Variants in CCDC73 observed in about 807,000 individuals in gnomAD.
The protein encoded by CCDC73 is coiled-coil domain-containing protein 73.
In CCDC73, 95 loss-of-function variants were observed where a neutral mutation model predicts 116.5. That is an observed-to-expected ratio of 0.82 (90% CI 0.69 to 0.97). The LOEUF (loss-of-function observed/expected upper bound fraction) is 0.97. Ranked by LOEUF, CCDC73 falls within the 50% of genes least tolerant of loss-of-function variation. CCDC73 has a pLI of 0.00. For synonymous variants in CCDC73, 398 were observed against 401.3 expected (o/e 0.99, Z 0.10); for missense variants, 1,066 against 1,206.8 (o/e 0.88, Z 1.73).
rs548720183 is a variant in CCDC73 at position 32,685,817 on chromosome 11, G to A, written c.391-2243C>T. Among the ~76,000 whole-genome samples, 6 of 147,674 alleles carry A rather than the reference G, an allele frequency of 4.1e-5. No homozygotes were observed. In the South Asian group the frequency reaches 1.3e-3, roughly 32 times the overall value. On this transcript the variant is annotated intron_variant, in intron 6 of 17. Transcript: ENST00000335185. ...GCTCACTGCAACCTCTGCCTCCCAG[G>A]TTCAAGCAATTCTCCTGCCTCAGCC...
intron 2 of CCDC73, among the ~76,000 whole-genome samples, chr11:32,743,212 G>C (rs1332567728): frequency 6.6e-6 from 1 of 152,186 alleles, no homozygotes; most frequent in East Asian, 1.9e-4. Flanking sequence ...GTAGCTTGAT[G>C]GGGACAGCAT....
rs890187207 is a variant in CCDC73 at position 32,763,157 on chromosome 11, C to T, written c.-15-2899G>A. ...AAGGAGGCCTGCCTGCCTCTGTAGA[C>T]TCCACCTCTGTGGGCAAGGCATAGC... On this transcript the variant is annotated intron_variant, in intron 1 of 17. Coordinates refer to ENST00000335185, the MANE Select transcript of CCDC73 (RefSeq NM_001008391.4). Among the ~76,000 whole-genome samples the T allele has an allele frequency of 9.2e-5, 14 of 152,376 alleles. No individual in the cohort carries two copies. The East Asian group carries it at 9.6e-4, about 10-fold the overall frequency.
At chr11:32,704,670 A>G (rs1437017281) in intron 3 of CCDC73, among the ~76,000 whole-genome samples, 3 of 152,216 alleles carry the variant, frequency 2.0e-5, no homozygotes, top group Non-Finnish European at 4.4e-5. Context: ...CCTGGGGACC[A>G]GGGCTGTCAG....
At chr11:32,754,521 C>T (rs1850315410) in intron 2 of CCDC73, among the ~76,000 whole-genome samples, 1 of 152,088 alleles carries the variant, frequency 6.6e-6, no homozygotes, top group Non-Finnish European at 1.5e-5. Flanking sequence ...TCATAACATT[C>T]AGGCATCAAA....
At chr11:32,780,749 C>T (rs1850576272) in intron 1 of CCDC73, among the ~76,000 whole-genome samples, 1 of 152,174 alleles carries the variant, frequency 6.6e-6, no homozygotes. Flanking sequence ...ATTTAGTTCT[C>T]CAAACAACTT....
intron 2 of CCDC73, among the ~76,000 whole-genome samples, chr11:32,720,274 C>A (rs550756027): frequency 6.6e-6 from 1 of 152,266 alleles, no homozygotes. Context: ...ATACGCTAAT[C>A]ATATGATCGC....
chr11:32,718,673 G>A (rs1254132645), intron 2 of CCDC73, among the ~76,000 whole-genome samples: 2 of 152,138 alleles, frequency 1.3e-5, no homozygotes, highest in Non-Finnish European at 2.9e-5. Context: ...AATCTGCAGA[G>A]GGGAGGGCAA....
At chr11:32,623,374 T>G (rs2133230159) in intron 14 of CCDC73, among the ~76,000 whole-genome samples, 1 of 152,248 alleles carries the variant, frequency 6.6e-6, no homozygotes. Flanking sequence ...TTATTTGTTT[T>G]GTGACAGGGT....
intron 1 of CCDC73, among the ~76,000 whole-genome samples, chr11:32,763,983 G>A (rs1398243704): frequency 2.0e-5 from 3 of 152,122 alleles, no homozygotes; most frequent in Admixed American, 6.6e-5. Context: ...CTTCAGCAAC[G>A]GATTTGAGCA....
At chr11:32,652,077 T>G (rs765718628) in intron 12 of CCDC73, among the ~76,000 whole-genome samples, 2 of 152,178 alleles carry the variant, frequency 1.3e-5, no homozygotes, top group Non-Finnish European at 2.9e-5. Context: ...AAAACTTTCC[T>G]TTTTGAAATT....
chr11:32,720,185 A>T (rs1444518953), intron 2 of CCDC73, among the ~76,000 whole-genome samples: 1 of 152,200 alleles, frequency 6.6e-6, no homozygotes, highest in East Asian at 1.9e-4. Context: ...TAATTTAAAA[A>T]TTATATGAGT....
chr11:32,829,966 C>T, the CCDC73 span: 1 of 985,584 alleles, frequency 1.0e-6, no homozygotes, highest in South Asian at 4.7e-5. Context: ...AGGACCTCAC[C>T]CCGCGCGTGT....
the CCDC73 span, among the ~76,000 whole-genome samples, chr11:32,816,810 T>G: frequency 6.6e-6 from 1 of 151,938 alleles, no homozygotes; most frequent in Non-Finnish European, 1.5e-5. Flanking sequence ...TGAGATGGAG[T>G]TTCACTCTTG....
Position 32,635,838 on chromosome 11 carries a change from A to G in CCDC73, c.1051-8T>C. 1 of 1,129,494 alleles carries G rather than the reference A, an allele frequency of 8.9e-7. No individual in the cohort carries two copies. Among genetic ancestry groups the G allele is most frequent in the Non-Finnish European group, 1.1e-6 (1 of 877,954 alleles). 70.0% of individuals were successfully genotyped at this position (1,129,494 alleles called of 1,614,324 possible). The stretch of plus-strand genomic sequence containing the variant: ...TCCATTAAGTTCTTCAGCCTATTAT[A>G]AAAAAGGAACCAGAATAAACAAGTA... On this transcript the variant is annotated splice_polypyrimidine_tract_variant and splice_region_variant and intron_variant, in intron 13 of 17. Transcript: ENST00000335185.
chr11:32,791,921 C>T (rs1479555951), intron 1 of CCDC73, among the ~76,000 whole-genome samples: 1 of 151,878 alleles, frequency 6.6e-6, no homozygotes, highest in East Asian at 1.9e-4. Context: ...GCCAAGATCA[C>T]GCCACTGTAC....
intron 2 of CCDC73, among the ~76,000 whole-genome samples, chr11:32,743,475 GA>G (rs1001803480): frequency 6.6e-6 from 1 of 152,128 alleles, no homozygotes; most frequent in African/African-American, 2.4e-5. Context: ...GATGTTCTTT[GA>G]AACCAGTGAG....
intron 1 of CCDC73, among the ~76,000 whole-genome samples, chr11:32,767,746 G>A (rs1850455939): frequency 6.6e-6 from 1 of 152,234 alleles, no homozygotes. Context: ...GGCCATCAGA[G>A]AAATGCAAAT....
rs76375779 is a variant in CCDC73 at position 32,678,351 on chromosome 11, T to C, written c.430-2330A>G. Among the ~76,000 whole-genome samples, 1,059 of 152,282 alleles carry C rather than the reference T, an allele frequency of 7.0e-3. 5 individuals carry two copies. Among genetic ancestry groups the C allele is most frequent in the Non-Finnish European group, 0.012 (833 of 68,000 alleles). The stretch of plus-strand genomic sequence containing the variant: ...GTGGTCAAAAGCTAGTCTGCCTATG[T>C]TTACATCTTGTTTCTGCAACTTAGG... On this transcript the variant is annotated intron_variant, in intron 7 of 17. Coordinates refer to ENST00000335185, the MANE Select transcript of CCDC73 (RefSeq NM_001008391.4).
intron 3 of CCDC73, among the ~76,000 whole-genome samples, chr11:32,711,445 G>C (rs1242836797): frequency 5.3e-5 from 8 of 152,102 alleles, no homozygotes; most frequent in Admixed American, 3.3e-4. Flanking sequence ...ACATACCACA[G>C]AATACTACTT....
Sources: gnomAD v4.1 joint callset for allele counts (sites outside exome capture counted in the v4.1 genomes callset) on GRCh38, gnomAD v4.1.1 for gene constraint, MANE v1.5 for transcripts, NCBI Gene and HGNC (gene_info 2026-07-23, HGNC 2026-07-21) for gene names.